The following ATM variants were observed in gnomAD, a reference collection of about 807,000 sequenced individuals.
ATM encodes serine-protein kinase ATM.
In ATM, 308 loss-of-function variants were observed where a neutral mutation model predicts 387.0. The ratio of observed to expected loss-of-function variants is 0.80; its 90% CI spans 0.73 to 0.87. The LOEUF is 0.87. Among genes scored for constraint, ATM ranks in the 40% least tolerant of loss-of-function variants. The probability of loss-of-function intolerance (pLI) is 0.00; values close to 1 mark genes in which losing one functional copy is unlikely to be tolerated. For synonymous variants in ATM, 1,156 were observed against 1,187.3 expected, an observed-to-expected ratio of 0.97 and a Z score of 0.54; for missense variants, 3,312 against 3,560.9, an observed-to-expected ratio of 0.93 and a Z score of 1.78.
intron 16 of ATM, among the ~76,000 whole-genome samples, chr11:108,259,433 C>T (rs917149731): frequency 9.9e-5 from 15 of 152,174 alleles, no homozygotes; most frequent in Admixed American, 7.2e-4. Flanking sequence ...TTGCAGTGAG[C>T]GAAGATCGTG....
intron 26 of ATM, among the ~76,000 whole-genome samples, chr11:108,285,986 A>G (rs1426477250): frequency 6.6e-6 from 1 of 152,248 alleles, no homozygotes; most frequent in Non-Finnish European, 1.5e-5. Flanking sequence ...CTCAAGAATG[A>G]AGAACAGCAA....
At chr11:108,224,921 A>G (rs2078662401) in intron 1 of ATM, 1 of 152,156 alleles carries the variant, frequency 6.6e-6, no homozygotes, top group African/African-American at 2.4e-5. Flanking sequence ...ATAAGTAGTA[A>G]ATATTGTTTG....
At chr11:108,257,134 A>G (rs920080741) in intron 14 of ATM, among the ~76,000 whole-genome samples, 3 of 152,188 alleles carry the variant, frequency 2.0e-5, no homozygotes, top group South Asian at 2.1e-4. Flanking sequence ...ACTCCCACCA[A>G]CAGTGTAAAA....
At chr11:108,270,519 G>A (rs144221483) in intron 18 of ATM, among the ~76,000 whole-genome samples, 2 of 152,146 alleles carry the variant, frequency 1.3e-5, no homozygotes, top group East Asian at 1.9e-4. Context: ...ATGAGGGTAC[G>A]AAGGCCCTAG....
chr11:108,276,702 C>T (rs1565434907), intron 22 of ATM, among the ~76,000 whole-genome samples: 1 of 152,158 alleles, frequency 6.6e-6, no homozygotes, highest in Admixed American at 6.5e-5. Flanking sequence ...GGCTGCAGAA[C>T]AGCAAAGATT....
intron 22 of ATM, among the ~76,000 whole-genome samples, chr11:108,274,944 ATCTG>A (rs1424060441): frequency 6.6e-6 from 1 of 152,098 alleles, no homozygotes; most frequent in African/African-American, 2.4e-5. Context: ...TGTCTCATTG[ATCTG>A]TCTAATATTG....
At chr11:108,226,709 C>CT (rs200968985) in intron 1 of ATM, 81 of 146,160 alleles carry the variant, frequency 5.5e-4, no homozygotes, top group East Asian at 4.6e-3. Flanking sequence ...AGCAAGAGTG[C>CT]TTTTTTTTTT....
At chr11:108,290,244 T>C (rs1177807978) in intron 29 of ATM, 1 of 153,542 alleles carries the variant, frequency 6.5e-6, no homozygotes, top group African/African-American at 2.4e-5. Context: ...TTTTAAGATG[T>C]CTATTATATT....
intron 59 of ATM, among the ~76,000 whole-genome samples, chr11:108,352,958 G>A (rs1565577702): frequency 6.6e-6 from 1 of 152,088 alleles, no homozygotes; most frequent in South Asian, 2.1e-4. Context: ...GGAAATAGGT[G>A]CAGCCGTAAA....
chr11:108,237,066 C>CA (rs1163563630), intron 5 of ATM, among the ~76,000 whole-genome samples: 6 of 151,768 alleles, frequency 4.0e-5, no homozygotes, highest in Non-Finnish European at 8.8e-5. Flanking sequence ...TTTATTATTT[C>CA]AAAATGAGAT....
intron 45 of ATM, among the ~76,000 whole-genome samples, chr11:108,323,054 C>T (rs1430418831): frequency 1.3e-5 from 2 of 151,794 alleles, no homozygotes; most frequent in East Asian, 1.9e-4. Flanking sequence ...TATTATTATA[C>T]GAGGGAAGAA....
intron 5 of ATM, among the ~76,000 whole-genome samples, chr11:108,241,381 C>A (rs916931457): frequency 6.6e-6 from 1 of 152,104 alleles, no homozygotes; most frequent in Non-Finnish European, 1.5e-5. Flanking sequence ...GTAACTTAGT[C>A]ATTTATTATC....
intron 38 of ATM, chr11:108,308,789 T>G (rs1288740896): frequency 1.9e-6 from 1 of 527,530 alleles, no homozygotes; most frequent in African/African-American, 1.9e-5. Context: ...TAAACCATTC[T>G]TCTTCTCTAG....
At chr11:108,359,750 A>G (rs2090479940) in intron 61 of ATM, among the ~76,000 whole-genome samples, 1 of 152,194 alleles carries the variant, frequency 6.6e-6, no homozygotes, top group Non-Finnish European at 1.5e-5. Flanking sequence ...GAAACCAACG[A>G]GAACAAAGAC....
At chr11:108,315,694 C>A in intron 40 of ATM, 129 bp from the exon 41 acceptor site, 1 of 726,798 alleles carries the variant, frequency 1.4e-6, no homozygotes, top group Non-Finnish European at 2.4e-6. Context: ...AGAATCATTA[C>A]ATTTTATTTC....
At position 108,252,019 on chromosome 11, in the gene ATM, C is replaced by T. The variant is rs765847854; in HGVS notation, c.1790C>T (p.Pro597Leu). The T allele has an allele frequency of 3.1e-6, 5 of 1,611,858 alleles. No individual in the cohort carries two copies. The highest frequency in any genetic ancestry group is 3.4e-6 in the Non-Finnish European group (4 of 1,179,436). Residue 597 changes from proline (P) to leucine (L), a missense_variant, in exon 11 of 63, where the codon CCA (proline) becomes CTA (leucine). By Grantham distance (98) the Pro-to-Leu change is moderately conservative (BLOSUM62 -3). Coordinates refer to ENST00000675843, the MANE Select transcript of ATM (RefSeq NM_000051.4). ...TTAGAAAATAGCACAGAAGTGCCTC[C>T]AATTCTTCACAGGTAATTTAAGTTC... is the stretch of plus-strand genomic sequence containing the variant. ...GDLENSTEVP[P>L]ILHSNFPHLV... is the part of the protein sequence containing the mutation.
chr11:108,268,901 T>C (rs1449794341), intron 18 of ATM, among the ~76,000 whole-genome samples: 2 of 152,218 alleles, frequency 1.3e-5, no homozygotes, highest in African/African-American at 4.8e-5. Flanking sequence ...AATGTAAAAA[T>C]ATTACATAAC....
At chr11:108,245,876 G>A (rs940904939) in intron 7 of ATM, among the ~76,000 whole-genome samples, 1 of 144,018 alleles carries the variant, frequency 6.9e-6, no homozygotes, top group Non-Finnish European at 1.5e-5. Context: ...CCAGGCTGAA[G>A]TGCAGTGACG....
rs375798802 is a variant in ATM at position 108,243,982 on chromosome 11, C to G, written c.526C>G (p.Leu176Val). The G allele has an allele frequency of 3.7e-6, 6 of 1,602,632 alleles. No homozygotes were observed. The African/African-American group carries it at 4.1e-5, about 11-fold the overall frequency. The change falls in exon 6 of 63, where the codon CTG (leucine) becomes GTG (valine). Residue 176 changes from leucine to valine, a missense_variant. By Grantham distance (32) the Leu-to-Val change is conservative (BLOSUM62 1). This residue lies in a region of ATM where 1,791 missense variants were observed against 1,804.5 expected (regional missense o/e 0.99). Coordinates refer to ENST00000675843, the MANE Select transcript of ATM (RefSeq NM_000051.4). ...ELFSVYFRLY[L>V]KPSQDVHRVL... The stretch of plus-strand genomic sequence containing the variant: ...GTTCTCTGTGTACTTCAGGCTCTAT[C>G]TGAAACCTTCACAAGATGTTCATAG...
Sources: allele counts gnomAD v4.1 joint callset (sites outside exome capture counted in the v4.1 genomes callset), GRCh38; gene constraint gnomAD v4.1.1; regional missense constraint gnomAD v4.1.1; transcripts MANE v1.5; gene names NCBI Gene and HGNC (gene_info 2026-07-23, HGNC 2026-07-21).